SLC38A8: variants seen among roughly 807,000 people sequenced by gnomAD.
The protein encoded by SLC38A8 is solute carrier family 38 member 8.
SLC38A8 carries 65 observed loss-of-function variants against 46.0 expected under a neutral mutation model. The observed-to-expected ratio is 1.41, with a 90% CI of 1.16 to 1.74. The LOEUF (loss-of-function observed/expected upper bound fraction) is 1.74. SLC38A8 is among the 40% of genes most tolerant of loss of function. SLC38A8 has a pLI of 0.00. For synonymous variants in SLC38A8, 447 were observed against 243.7 expected (o/e 1.83, Z -7.77); for missense variants, 998 against 567.9 (o/e 1.76, Z -7.70).
chr16:84,009,896 C>G lies in SLC38A8; in HGVS notation c.1215-19G>C. The G allele has an allele frequency of 1.2e-6, 2 of 1,606,236 alleles. No homozygotes were observed. Among genetic ancestry groups the G allele is most frequent in the Non-Finnish European group, 1.7e-6 (2 of 1,176,586 alleles). ...GCAGCACCTGCCAAGTGAATAAACC[C>G]ATGTCAGAGCTTTTCTGGATTTTTG... On this transcript the variant is annotated intron_variant, in intron 10 of 10. Coordinates refer to ENST00000299709, the MANE Select transcript of SLC38A8 (RefSeq NM_001080442.3).
chr16:84,033,000 G>C lies in SLC38A8; in HGVS notation c.530+328C>G, dbSNP rs555962214. 5.3e-5 allele frequency among the ~76,000 whole-genome samples: 8 copies of C among 149,648 alleles called. 1 individual carries two copies. The South Asian group carries it at 1.3e-3, about 24-fold the overall frequency. On this transcript the variant is annotated intron_variant, in intron 4 of 10. Transcript: ENST00000299709. ...GGTGTGGGTAGGTGGGTGTGCATGG[G>C]GGGGTGTGGGTAGGTGGGTGTGTAT...
At chr16:84,013,771 C>G (rs1317597466) in intron 9 of SLC38A8, among the ~76,000 whole-genome samples, 1 of 151,356 alleles carries the variant, frequency 6.6e-6, no homozygotes, top group African/African-American at 2.4e-5. Context: ...GGATTCAGGG[C>G]CATGTAGCTT....
At chr16:84,022,641 G>A (rs547910208) in intron 7 of SLC38A8, 134 bp downstream of exon 7, 3 of 686,392 alleles carry the variant, frequency 4.4e-6, no homozygotes, top group South Asian at 1.9e-5. Context: ...TGCACACTAA[G>A]GATTAAATAA....
At chr16:84,021,351 C>A (rs1289454670) in intron 7 of SLC38A8, among the ~76,000 whole-genome samples, 1 of 152,186 alleles carries the variant, frequency 6.6e-6, no homozygotes, top group African/African-American at 2.4e-5. Flanking sequence ...AGGAGTGAGC[C>A]ACGGCACCCG....
chr16:84,041,830 C>G, intron 2 of SLC38A8, 139 bp downstream of exon 2: 3 of 766,422 alleles, frequency 3.9e-6, no homozygotes, highest in Non-Finnish European at 6.2e-6. Context: ...CCCTCATTAG[C>G]TGAGCGGGAT....
intron 2 of SLC38A8, chr16:84,040,132 G>A (rs2085351967): frequency 6.6e-6 from 1 of 152,228 alleles, no homozygotes; most frequent in South Asian, 2.1e-4. Flanking sequence ...CCATGCAGAA[G>A]CCTCACCAGC....
At chr16:84,025,908 G>T (rs1299616502) in intron 6 of SLC38A8, among the ~76,000 whole-genome samples, 1 of 152,208 alleles carries the variant, frequency 6.6e-6, no homozygotes, top group South Asian at 2.1e-4. Context: ...GCCAGCAGGG[G>T]GGACGCAACC....
chr16:84,034,343 C>T (rs77294087), intron 3 of SLC38A8, among the ~76,000 whole-genome samples: 8,400 of 152,342 alleles, frequency 0.055, 353 homozygotes, highest in Non-Finnish European at 0.08. Context: ...CTAACCTCTC[C>T]GTGGAAAGAA....
In SLC38A8 at chr16:84,036,917, G is replaced by C. The variant is rs766425357; in HGVS notation, c.190-17C>G. On this transcript the variant is annotated splice_polypyrimidine_tract_variant and intron_variant, in intron 2 of 10. Coordinates refer to ENST00000299709, the MANE Select transcript of SLC38A8 (RefSeq NM_001080442.3). ...CAACGAGACCTGCGGAGAAGGAGCAGGACCTGGAACTGGGGTGTGCCCACA... is the reference window on the plus strand; with the variant it reads ...CAACGAGACCTGCGGAGAAGGAGCACGACCTGGAACTGGGGTGTGCCCACA... 6 of 1,599,412 alleles carry C rather than the reference G, an allele frequency of 3.8e-6. No individual in the cohort carries two copies. The highest frequency in any genetic ancestry group is 4.3e-6 in the Non-Finnish European group (5 of 1,174,826).
intron 5 of SLC38A8, among the ~76,000 whole-genome samples, chr16:84,030,611 A>T (rs1209921171): frequency 6.6e-6 from 1 of 151,896 alleles, no homozygotes; most frequent in Non-Finnish European, 1.5e-5. Context: ...AGTCCTCTCT[A>T]ATCCAGGAAA....
intron 7 of SLC38A8, among the ~76,000 whole-genome samples, chr16:84,020,418 G>A (rs1166693977): frequency 6.6e-6 from 1 of 152,206 alleles, no homozygotes; most frequent in Non-Finnish European, 1.5e-5. Flanking sequence ...AAAATGCTGG[G>A]ATTACAGGCA....
At chr16:84,018,417 C>T (rs1175375892) in intron 7 of SLC38A8, among the ~76,000 whole-genome samples, 1 of 151,918 alleles carries the variant, frequency 6.6e-6, no homozygotes, top group East Asian at 1.9e-4. Flanking sequence ...GACAGGGTTT[C>T]ACCGTGTTAG....
intron 10 of SLC38A8, among the ~76,000 whole-genome samples, chr16:84,012,390 G>T (rs2084964910): frequency 6.6e-6 from 1 of 152,196 alleles, no homozygotes; most frequent in African/African-American, 2.4e-5. Flanking sequence ...TCAAATGAAG[G>T]AAAGATCCAA....
chr16:84,039,325 G>C (rs1405493833), intron 2 of SLC38A8, among the ~76,000 whole-genome samples: 2 of 152,220 alleles, frequency 1.3e-5, no homozygotes, highest in Non-Finnish European at 2.9e-5. Context: ...GTAAAATATT[G>C]AGGGATTTCT....
At chr16:84,036,956 C>G in intron 2 of SLC38A8, 56 bp from the exon 3 acceptor site, 1 of 1,503,774 alleles carries the variant, frequency 6.6e-7, no homozygotes, top group South Asian at 1.2e-5. Context: ...CACCCACCCC[C>G]AGCCAGCCAC....
chr16:84,017,968 C>G (rs1185709483), intron 7 of SLC38A8, among the ~76,000 whole-genome samples: 1 of 152,210 alleles, frequency 6.6e-6, no homozygotes, highest in Non-Finnish European at 1.5e-5. Flanking sequence ...GGGACCTCCT[C>G]TGCTGGGGAA....
In SLC38A8 at chr16:84,009,754, G is replaced by T. The variant is rs751318838; in HGVS notation, c.*30C>A. 1 of 1,599,606 alleles carries T rather than the reference G, an allele frequency of 6.3e-7. No individual in the cohort carries two copies. The highest frequency in any genetic ancestry group is 1.3e-5 in the African/African-American group (1 of 74,148). On this transcript the variant is annotated 3_prime_UTR_variant, in exon 11 of 11. Coordinates refer to ENST00000299709, the MANE Select transcript of SLC38A8 (RefSeq NM_001080442.3). ...AGCCACGTAGGGTCAGCCCCCGGAG[G>T]GCCCCTTCCTGCCCGGCACTAGCTG...
intron 2 of SLC38A8, 27 bp downstream of exon 2, chr16:84,041,942 C>T (rs1172612911): frequency 7.1e-6 from 11 of 1,551,244 alleles, no homozygotes; most frequent in Admixed American, 2.0e-5. Flanking sequence ...CGTACCCGTC[C>T]CCAGGACTCA....
chr16:84,023,143 T>C (rs2085115443), intron 6 of SLC38A8, among the ~76,000 whole-genome samples: 2 of 120,356 alleles, frequency 1.7e-5, no homozygotes, highest in South Asian at 3.0e-4. Flanking sequence ...CGCATTCCTT[T>C]CCTTATTTTT....
Sources: allele counts gnomAD v4.1 joint callset (sites outside exome capture counted in the v4.1 genomes callset), GRCh38; gene constraint gnomAD v4.1.1; transcripts MANE v1.5; gene names NCBI Gene and HGNC (gene_info 2026-07-23, HGNC 2026-07-21).